Variants in EXOC6B observed in about 807,000 individuals in gnomAD.
EXOC6B encodes SEC15 homolog B.
Under a neutral mutation model 113.5 loss-of-function variants are expected in EXOC6B, and 54 were observed. The ratio of observed to expected loss-of-function variants is 0.48; its 90% CI spans 0.38 to 0.60. The LOEUF is 0.60. Ranked by LOEUF, EXOC6B falls within the 20% of genes least tolerant of loss-of-function variation. The pLI, the probability that EXOC6B is intolerant of heterozygous loss-of-function variation, is 0.00. For synonymous variants in EXOC6B, 357 were observed against 339.0 expected (o/e 1.05, Z -0.58); for missense variants, 797 against 977.5 (o/e 0.82, Z 2.46).
At chr2:72,270,458 G>A (rs1684413235) in intron 20 of EXOC6B, among the ~76,000 whole-genome samples, 1 of 152,098 alleles carries the variant, frequency 6.6e-6, no homozygotes, top group Admixed American at 6.6e-5. Context: ...ATAAGCATTT[G>A]AAATAAAAGA....
intron 17 of EXOC6B, among the ~76,000 whole-genome samples, chr2:72,474,998 C>A (rs192319761): frequency 6.6e-6 from 1 of 152,146 alleles, no homozygotes; most frequent in African/African-American, 2.4e-5. Flanking sequence ...AAACTCTGTA[C>A]GATTCCTTCA....
At chr2:72,365,525 G>T (rs1690568377) in intron 19 of EXOC6B, among the ~76,000 whole-genome samples, 1 of 152,134 alleles carries the variant, frequency 6.6e-6, no homozygotes, top group African/African-American at 2.4e-5. Context: ...CAAAGGGAGA[G>T]AACTGAAACA....
At chr2:72,490,692 A>T (rs1001728268) in intron 16 of EXOC6B, among the ~76,000 whole-genome samples, 1 of 152,202 alleles carries the variant, frequency 6.6e-6, no homozygotes, top group Non-Finnish European at 1.5e-5. Context: ...AACATTTAGT[A>T]TTCAATGAAA....
At chr2:72,423,367 C>G (rs1244017031) in intron 18 of EXOC6B, among the ~76,000 whole-genome samples, 2 of 152,078 alleles carry the variant, frequency 1.3e-5, no homozygotes, top group Non-Finnish European at 2.9e-5. Context: ...TCAGTGAGAC[C>G]AAGAACCCAC....
chr2:72,524,021 C>G (rs1182354197), intron 8 of EXOC6B, among the ~76,000 whole-genome samples: 1 of 151,844 alleles, frequency 6.6e-6, no homozygotes, highest in Non-Finnish European at 1.5e-5. Flanking sequence ...TATTCTTCCG[C>G]TTCTGCCTAC....
At chr2:72,560,274 GA>G (rs138982629) in intron 7 of EXOC6B, among the ~76,000 whole-genome samples, 3 of 148,920 alleles carry the variant, frequency 2.0e-5, no homozygotes, top group African/African-American at 7.4e-5. Flanking sequence ...TACCTAAGTT[GA>G]AAAAAAAATC....
intron 20 of EXOC6B, among the ~76,000 whole-genome samples, chr2:72,196,599 G>C (rs1293501990): frequency 6.6e-6 from 1 of 152,138 alleles, no homozygotes; most frequent in Non-Finnish European, 1.5e-5. Context: ...TAGATAAGTG[G>C]TTCTTGACCA....
chr2:72,810,377 AAAT>A (rs1685831931), intron 1 of EXOC6B, among the ~76,000 whole-genome samples: 1 of 149,604 alleles, frequency 6.7e-6, no homozygotes. Context: ...ATAAATAAAT[AAAT>A]AAATAAAATA....
chr2:72,559,390 T>TGA (rs76076963), intron 8 of EXOC6B, 63 bp downstream of exon 8: 1 of 1,202,954 alleles, frequency 8.3e-7, no homozygotes, highest in East Asian at 2.7e-5. Context: ...TACCAAAAGT[T>TGA]GAGAGAGCAA....
Position 72,259,139 on chromosome 2 carries a change from C to G in EXOC6B, c.2197-74952G>C, listed in dbSNP as rs149692954. 8.0e-3 allele frequency among the ~76,000 whole-genome samples: 1,226 copies of G among 152,306 alleles called. 13 individuals carry two copies. The highest frequency in any genetic ancestry group is 0.012 in the Non-Finnish European group (811 of 68,024). On this transcript the variant is annotated intron_variant, in intron 20 of 21. Coordinates refer to ENST00000272427, the MANE Select transcript of EXOC6B (RefSeq NM_015189.3). Reference sequence around the variant, plus strand: ...AATGCATACACTGATATAACCCAAACTCCTATTAAGGTAGAATATTTTGAT... The same window carrying G: ...AATGCATACACTGATATAACCCAAAGTCCTATTAAGGTAGAATATTTTGAT...
intron 11 of EXOC6B, among the ~76,000 whole-genome samples, chr2:72,500,792 A>AT (rs1289872354): frequency 5.3e-5 from 8 of 152,336 alleles, no homozygotes; most frequent in African/African-American, 1.9e-4. Flanking sequence ...TTCTTTAATT[A>AT]TAATTTTTGT....
chr2:72,178,746 T>C lies in EXOC6B; in HGVS notation c.*589A>G, dbSNP rs1476001595. ...GATCAGGCTAAAGAAACCGCCATTC[T>C]TGGGGGATTGGAATGAAGCTGTCAT... On this transcript the variant is annotated 3_prime_UTR_variant, in exon 22 of 22. Coordinates refer to ENST00000272427, the MANE Select transcript of EXOC6B (RefSeq NM_015189.3). The C allele has an allele frequency of 6.6e-6, 1 of 152,318 alleles. No individual in the cohort carries two copies. The highest frequency in any genetic ancestry group is 1.9e-4 in the East Asian group (1 of 5,190). 9.4% of individuals were successfully genotyped at this position (152,318 alleles called of 1,614,324 possible). A position where few individuals can be genotyped will look rare whatever the true frequency, so the allele number is the denominator to read the frequency against.
At chr2:72,788,295 TACTC>T (rs1162160329) in intron 1 of EXOC6B, among the ~76,000 whole-genome samples, 1 of 152,214 alleles carries the variant, frequency 6.6e-6, no homozygotes, top group African/African-American at 2.4e-5. Context: ...TTATTAAAAA[TACTC>T]AGTACAAATA....
chr2:72,528,072 C>A (rs1321123964), intron 8 of EXOC6B, among the ~76,000 whole-genome samples: 1 of 151,772 alleles, frequency 6.6e-6, no homozygotes, highest in African/African-American at 2.4e-5. Context: ...CAATTTTTTT[C>A]TTTTACACTG....
intron 8 of EXOC6B, among the ~76,000 whole-genome samples, chr2:72,524,347 G>A (rs968884388): frequency 1.3e-5 from 2 of 151,968 alleles, no homozygotes; most frequent in African/African-American, 4.8e-5. Flanking sequence ...AAAAATATGT[G>A]AAAAGAACAA....
At chr2:72,407,579 C>T (rs957844245) in intron 18 of EXOC6B, among the ~76,000 whole-genome samples, 2 of 152,082 alleles carry the variant, frequency 1.3e-5, no homozygotes, top group African/African-American at 4.8e-5. Context: ...TCAATAAACG[C>T]AATCCAGCAT....
intron 6 of EXOC6B, among the ~76,000 whole-genome samples, chr2:72,660,194 G>T (rs950334993): frequency 3.4e-5 from 5 of 148,356 alleles, no homozygotes; most frequent in African/African-American, 1.2e-4. Context: ...TCATCAAAAA[G>T]CTGGAAAAAA....
intron 17 of EXOC6B, among the ~76,000 whole-genome samples, chr2:72,471,854 G>A (rs1698432578): frequency 6.6e-6 from 1 of 152,064 alleles, no homozygotes. Context: ...TGTTAGTTGT[G>A]GGTCTGCTAT....
At chr2:72,730,662 C>G (rs568808425) in intron 5 of EXOC6B, among the ~76,000 whole-genome samples, 1 of 151,736 alleles carries the variant, frequency 6.6e-6, no homozygotes, top group South Asian at 2.1e-4. Flanking sequence ...AGTTAATGTA[C>G]TCTTGCACCA....
Sources: gnomAD v4.1 joint callset for allele counts (sites outside exome capture counted in the v4.1 genomes callset) on GRCh38, gnomAD v4.1.1 for gene constraint, MANE v1.5 for transcripts, NCBI Gene and HGNC (gene_info 2026-07-23, HGNC 2026-07-21) for gene names.